Variants in EIF3J observed in about 807,000 individuals in gnomAD.
EIF3J encodes eukaryotic translation initiation factor 3, subunit 1 (alpha, 35kD).
EIF3J carries 15 observed loss-of-function variants against 39.0 expected under a neutral mutation model. The observed-to-expected ratio is 0.38, with a 90% CI of 0.26 to 0.59. The LOEUF (loss-of-function observed/expected upper bound fraction) is 0.59. Among genes scored for constraint, EIF3J ranks in the 20% least tolerant of loss-of-function variants. The probability of loss-of-function intolerance (pLI) is 0.60; values close to 1 mark genes in which losing one functional copy is unlikely to be tolerated. For synonymous variants in EIF3J, 98 were observed against 112.9 expected (o/e 0.87, Z 0.84); for missense variants, 226 against 308.6 (o/e 0.73, Z 2.00).
chr15:44,547,878 G>T (rs1387797795), intron 2 of EIF3J, among the ~76,000 whole-genome samples: 1 of 152,172 alleles, frequency 6.6e-6, no homozygotes, highest in African/African-American at 2.4e-5. Context: ...CATTTGGGGG[G>T]AAGTAAGAAC....
At chr15:44,555,242 T>G (rs922902528) in intron 5 of EIF3J, among the ~76,000 whole-genome samples, 2 of 152,168 alleles carry the variant, frequency 1.3e-5, no homozygotes, top group African/African-American at 4.8e-5. Flanking sequence ...TGTTCCAGAG[T>G]AAGAGACATG....
chr15:44,558,320 C>T lies in EIF3J; in HGVS notation c.571+670C>T, dbSNP rs919569864. On this transcript the variant is annotated intron_variant, in intron 6 of 7. Transcript: ENST00000261868. ...TGCCTCCTGGGTTAAAGCAATTCTC[C>T]TGGTCTGGCGCAGTGGCTCATGCCT... is the stretch of plus-strand genomic sequence containing the variant. 5.3e-5 allele frequency among the ~76,000 whole-genome samples: 8 copies of T among 152,142 alleles called. No individual in the cohort carries two copies. In the East Asian group the frequency reaches 5.8e-4, roughly 11 times the overall value.
chr15:44,539,601 C>A (rs772991205), intron 2 of EIF3J, among the ~76,000 whole-genome samples: 1 of 151,578 alleles, frequency 6.6e-6, no homozygotes, highest in Non-Finnish European at 1.5e-5. Context: ...GGGGTTTCAC[C>A]GTGTTAGCCA....
rs2082202284 is a variant in EIF3J at position 44,561,978 on chromosome 15, C to CA, written c.*832dup. Reference sequence around the variant, plus strand: ...CCTTTCCTTTATAAAACATGCTCAGCAAACTGCACCAGTTAACTACAGTTT... The same window carrying CA: ...CCTTTCCTTTATAAAACATGCTCAGCAAAACTGCACCAGTTAACTACAGTTT... On this transcript the variant is annotated 3_prime_UTR_variant, in exon 8 of 8. Transcript: ENST00000261868. The CA allele has an allele frequency of 6.6e-6, 1 of 152,584 alleles. No individual in the cohort carries two copies. Among genetic ancestry groups the CA allele is most frequent in the Non-Finnish European group, 1.5e-5 (1 of 68,022 alleles). The allele number at this position is 152,584 out of a possible 1,614,324, so 9.5% of individuals were successfully genotyped here.
intron 2 of EIF3J, among the ~76,000 whole-genome samples, chr15:44,538,501 A>G (rs2081980375): frequency 6.6e-6 from 1 of 152,190 alleles, no homozygotes; most frequent in Non-Finnish European, 1.5e-5. Flanking sequence ...CCTGGGCTGA[A>G]AAGTTTAAGC....
At position 44,561,362 on chromosome 15, in the gene EIF3J, G is replaced by A. The variant is rs541377512; in HGVS notation, c.*213G>A. On this transcript the variant is annotated 3_prime_UTR_variant, in exon 8 of 8. Transcript: ENST00000261868. ...GGGGTTAAAATTGGGAACCTAAGTT[G>A]CTACTAAATCATAGTTCAAAACCTA... 1.2e-5 allele frequency: 5 copies of A among 411,094 alleles called. No individual in the cohort carries two copies. In the East Asian group the frequency reaches 2.1e-4, roughly 17 times the overall value. 25.5% of individuals were successfully genotyped at this position (411,094 alleles called of 1,614,324 possible). A position where few individuals can be genotyped will look rare whatever the true frequency, so the allele number is the denominator to read the frequency against.
At chr15:44,549,737 C>G (rs559070592) in intron 2 of EIF3J, among the ~76,000 whole-genome samples, 16 of 135,980 alleles carry the variant, frequency 1.2e-4, no homozygotes, top group African/African-American at 4.0e-4. Context: ...TGTATTCCAG[C>G]CTGGGCGACA....
chr15:44,537,199 C>T lies in EIF3J; in HGVS notation c.5C>T (p.Ala2Val). ...CACGCTCACACCCGGCTCGAGATGGCGGCGGCGGCGGCGGCGGCGGGGGAC... is the reference window on the plus strand; with the variant it reads ...CACGCTCACACCCGGCTCGAGATGGTGGCGGCGGCGGCGGCGGCGGGGGAC... Reference protein sequence around the residue: MAAAAAAAGDSD... With the variant: MVAAAAAAGDSD... The change falls in exon 1 of 8, where the codon GCG becomes GTG. Residue 2 changes from alanine to valine, a missense_variant. This residue lies in a region of EIF3J where 143 missense variants were observed against 156.0 expected (regional missense o/e 0.92). Transcript: ENST00000261868. 1 of 1,487,728 alleles carries T rather than the reference C, an allele frequency of 6.7e-7. No homozygotes were observed. The highest frequency in any genetic ancestry group is 9.1e-7 in the Non-Finnish European group (1 of 1,095,834). The allele number at this position is 1,487,728 out of a possible 1,614,324, so 92.2% of individuals were successfully genotyped here.
At position 44,544,028 on chromosome 15, in the gene EIF3J, C is replaced by T. The variant is rs549274791; in HGVS notation, c.147+6601C>T. Reference sequence around the variant, plus strand: ...GAGCTCCTTATTTTCAGCCATACTTCTTCCTTCTTGACCTCTTACTACCAG... The same window carrying T: ...GAGCTCCTTATTTTCAGCCATACTTTTTCCTTCTTGACCTCTTACTACCAG... On this transcript the variant is annotated intron_variant, in intron 2 of 7. Transcript: ENST00000261868. Among the ~76,000 whole-genome samples, 451 of 151,442 alleles carry T rather than the reference C, an allele frequency of 3.0e-3. 1 individual carries two copies. The highest frequency in any genetic ancestry group is 6.1e-3 in the South Asian group (29 of 4,792).
At chr15:44,540,265 ATATTTT>A (rs1231475332) in intron 2 of EIF3J, among the ~76,000 whole-genome samples, 92 of 65,328 alleles carry the variant, frequency 1.4e-3, no homozygotes, top group Middle Eastern at 0.011. Context: ...ATATATATAT[ATATTTT>A]TTTTTTTTTT....
At chr15:44,543,070 A>G (rs2082025484) in intron 2 of EIF3J, among the ~76,000 whole-genome samples, 1 of 152,242 alleles carries the variant, frequency 6.6e-6, no homozygotes. Flanking sequence ...TCTAATGTTT[A>G]CAAAAAATTG....
chr15:44,557,756 T>C, intron 6 of EIF3J, 106 bp downstream of exon 6: 2 of 832,058 alleles, frequency 2.4e-6, no homozygotes, highest in Non-Finnish European at 3.3e-6. Context: ...TAATACAGAC[T>C]CATGATTTGC....
At position 44,560,641 on chromosome 15, in the gene EIF3J, C is replaced by A. The variant is rs2082183979; in HGVS notation, c.645+319C>A. 1.1e-5 allele frequency: 4 copies of A among 348,708 alleles called. No homozygotes were observed. In the East Asian group the frequency reaches 1.9e-4, roughly 17 times the overall value. 21.6% of individuals were successfully genotyped at this position (348,708 alleles called of 1,614,324 possible). A position where few individuals can be genotyped will look rare whatever the true frequency, so the allele number is the denominator to read the frequency against. ...TCTAAAATAGGAACAATAATACTCACTTTGCAGAGTATTTATAAGAGTAAA... is the reference window on the plus strand; with the variant it reads ...TCTAAAATAGGAACAATAATACTCAATTTGCAGAGTATTTATAAGAGTAAA... On this transcript the variant is annotated intron_variant, in intron 7 of 7. Coordinates refer to ENST00000261868, the MANE Select transcript of EIF3J (RefSeq NM_003758.4).
rs10630378 is a variant in EIF3J, at chr15:44,544,098, C to CTTT, written c.147+6683_147+6685dup. Reference sequence around the variant, plus strand: ...TTTCTTTTTTCTTTTCTTTTCTTTTCTTTTTTTTTTTTTTAGACGGAGGCC... The same window carrying CTTT: ...TTTCTTTTTTCTTTTCTTTTCTTTTCTTTTTTTTTTTTTTTTTAGACGGAGGCC... On this transcript the variant is annotated intron_variant, in intron 2 of 7. Transcript: ENST00000261868. Among the ~76,000 whole-genome samples the CTTT allele has an allele frequency of 8.9e-3, 1,192 of 134,036 alleles. 51 individuals carry two copies. Among genetic ancestry groups the CTTT allele is most frequent in the East Asian group, 0.078 (354 of 4,556 alleles). The allele number at this position is 134,036 out of a possible 152,430, so 87.9% of individuals were successfully genotyped here.
chr15:44,553,194 A>C (rs1180800152), intron 4 of EIF3J, among the ~76,000 whole-genome samples: 1 of 151,470 alleles, frequency 6.6e-6, no homozygotes, highest in Non-Finnish European at 1.5e-5. Flanking sequence ...TCAAAACAAA[A>C]AAAAAAAGAA....
rs930071579 is a variant in EIF3J at position 44,550,905 on chromosome 15, A to G, written c.177A>G (p.Lys59=). 2 of 1,610,518 alleles carry G rather than the reference A, an allele frequency of 1.2e-6. No individual in the cohort carries two copies. Among genetic ancestry groups the G allele is most frequent in the Non-Finnish European group, 1.7e-6 (2 of 1,177,876 alleles). Residue 59 remains lysine (K), a synonymous_variant, in exon 3 of 8, where the codon AAA becomes AAG. Coordinates refer to ENST00000261868, the MANE Select transcript of EIF3J (RefSeq NM_003758.4). ...KDNWDDDDDE[K]KEEAEVKPEV... ...ACTGGGATGACGATGATGATGAAAAAAAAGAGGAAGCAGAAGTAAAACCAG... is the reference window on the plus strand; with the variant it reads ...ACTGGGATGACGATGATGATGAAAAGAAAGAGGAAGCAGAAGTAAAACCAG...
At chr15:44,543,078 T>A (rs750987701) in intron 2 of EIF3J, among the ~76,000 whole-genome samples, 2 of 152,228 alleles carry the variant, frequency 1.3e-5, no homozygotes, top group Non-Finnish European at 2.9e-5. Flanking sequence ...TTACAAAAAA[T>A]TGGGCATATT....
intron 2 of EIF3J, among the ~76,000 whole-genome samples, chr15:44,549,759 C>T (rs1237319072): frequency 2.0e-5 from 2 of 102,322 alleles, no homozygotes; most frequent in South Asian, 3.4e-4. Flanking sequence ...AACGAGACTC[C>T]GTCTCAAAAA....
rs938113284 is a variant in EIF3J, at chr15:44,551,361, A to C, written c.203-70A>C. The C allele has an allele frequency of 4.0e-5, 40 of 996,126 alleles. No individual in the cohort carries two copies. The African/African-American group carries it at 6.6e-4, about 16-fold the overall frequency. The allele number at this position is 996,126 out of a possible 1,614,324, so 61.7% of individuals were successfully genotyped here. A position where few individuals can be genotyped will look rare whatever the true frequency, so the allele number is the denominator to read the frequency against. On this transcript the variant is annotated intron_variant, in intron 3 of 7. Coordinates refer to ENST00000261868, the MANE Select transcript of EIF3J (RefSeq NM_003758.4). Reference sequence around the variant, plus strand: ...TTTGGTCTCTTAATAGTATACAAGTATCATGTCTGTCTCATCCATAAACTG... The same window carrying C: ...TTTGGTCTCTTAATAGTATACAAGTCTCATGTCTGTCTCATCCATAAACTG...
Sources: allele counts gnomAD v4.1 joint callset (sites outside exome capture counted in the v4.1 genomes callset), GRCh38; gene constraint gnomAD v4.1.1; regional missense constraint gnomAD v4.1.1; transcripts MANE v1.5; gene names NCBI Gene and HGNC (gene_info 2026-07-23, HGNC 2026-07-21).